Variants in WNK3 observed in about 807,000 individuals in gnomAD.
The protein encoded by WNK3 is serine/threonine-protein kinase WNK3.
A neutral mutation model predicts 116.7 loss-of-function variants in WNK3; 18 were observed. That is an observed-to-expected ratio of 0.15 (90% CI 0.11 to 0.23). The LOEUF is 0.23. Among genes scored for constraint, WNK3 ranks in the 10% least tolerant of loss-of-function variants. The pLI, the probability that WNK3 is intolerant of heterozygous loss-of-function variation, is 1.00. For missense variants in WNK3, 993 were observed against 1,323.8 expected (o/e 0.75, Z 3.88); for synonymous variants, 404 against 469.4 (o/e 0.86, Z 1.80).
chrX:54,321,117 G>A (rs191901876), intron 2 of WNK3, among the ~76,000 whole-genome samples: 16 of 110,711 alleles, frequency 1.4e-4, no homozygotes, highest in African/African-American at 4.6e-4. Flanking sequence ...GGCTGATCTC[G>A]AATGTCTGAC....
intron 10 of WNK3, among the ~76,000 whole-genome samples, chrX:54,271,118 C>A (rs940498481): frequency 2.7e-5 from 3 of 111,199 alleles, no homozygotes; most frequent in Admixed American, 9.6e-5. Flanking sequence ...AAGATCCATA[C>A]CAAGACATAT....
intron 1 of WNK3, among the ~76,000 whole-genome samples, chrX:54,345,742 C>T (rs1188667286): frequency 1.9e-5 from 2 of 103,622 alleles, no homozygotes; most frequent in East Asian, 6.0e-4. Flanking sequence ...GCCAAGATCG[C>T]GCCACTGCAC....
At chrX:54,210,745 A>C (rs182686304) in intron 22 of WNK3, among the ~76,000 whole-genome samples, 130 of 112,359 alleles carry the variant, frequency 1.2e-3, no homozygotes, top group Non-Finnish European at 9.6e-4. Flanking sequence ...CTACTGAAAA[A>C]AAATAATTTC....
At position 54,306,122 on chromosome X, in the gene WNK3, T is replaced by C. The variant is rs139927287; in HGVS notation, c.1089+1800A>G. On this transcript the variant is annotated intron_variant, in intron 5 of 23. Coordinates refer to ENST00000354646, the Ensembl canonical transcript of WNK3. Reference sequence around the variant, plus strand: ...AAAAACAGTATCTCCTCACATCTGTTAGAATGACTATTATCGAAAAGATGA... The same window carrying C: ...AAAAACAGTATCTCCTCACATCTGTCAGAATGACTATTATCGAAAAGATGA... 3.0e-3 allele frequency among the ~76,000 whole-genome samples: 330 copies of C among 111,411 alleles called. 2 individuals carry two copies. The highest frequency in any genetic ancestry group is 0.01 in the African/African-American group (312 of 30,762).
intron 21 of WNK3, among the ~76,000 whole-genome samples, chrX:54,230,779 C>T (rs1290516438): frequency 4.5e-5 from 5 of 112,251 alleles, no homozygotes; most frequent in Non-Finnish European, 5.6e-5. Context: ...GTCCTCCAAC[C>T]GATGAATGGA....
intron 2 of WNK3, among the ~76,000 whole-genome samples, chrX:54,324,498 G>T (rs185491393): frequency 1.2e-3 from 137 of 112,218 alleles, no homozygotes; most frequent in African/African-American, 4.1e-3. Flanking sequence ...CCCACCCTTT[G>T]TCATTTTGTA....
At chrX:54,293,216 T>A in exon 9 of WNK3, 1 of 1,211,095 alleles carries the variant, frequency 8.3e-7, no homozygotes. Flanking sequence ...CTGCGGGATA[T>A]TAGAAACCAT....
intron 5 of WNK3, among the ~76,000 whole-genome samples, chrX:54,303,332 G>A (rs193159295): frequency 9.0e-6 from 1 of 111,096 alleles, no homozygotes; most frequent in African/African-American, 3.3e-5. Flanking sequence ...TAATAACTGT[G>A]TTGGCTTCCT....
At chrX:54,237,596 T>C (rs2067977318) in intron 19 of WNK3, 45 bp from the exon 20 acceptor site, 5 of 1,117,369 alleles carry the variant, frequency 4.5e-6, no homozygotes, top group Non-Finnish European at 5.9e-6. Flanking sequence ...CACAGACAAG[T>C]AGATGCTCTG....
chrX:54,222,915 A>ATATAT (rs1557146885), intron 22 of WNK3, among the ~76,000 whole-genome samples: 9 of 81,018 alleles, frequency 1.1e-4, no homozygotes, highest in African/African-American at 3.5e-4. Flanking sequence ...TAATAATAAT[A>ATATAT]ATATATATAT....
At chrX:54,249,591 C>T in exon 17 of WNK3, 1 of 1,210,397 alleles carries the variant, frequency 8.3e-7, no homozygotes, top group Non-Finnish European at 1.1e-6. Context: ...CTATAGTGAG[C>T]AATGTGTCCC....
chrX:54,310,362 G>A (rs782460497), intron 3 of WNK3, among the ~76,000 whole-genome samples: 129 of 108,589 alleles, frequency 1.2e-3, no homozygotes, highest in African/African-American at 3.1e-3. Flanking sequence ...GCAACACGGC[G>A]AAACCCCATC....
intron 2 of WNK3, among the ~76,000 whole-genome samples, chrX:54,317,971 T>A (rs1287826760): frequency 9.1e-6 from 1 of 110,389 alleles, no homozygotes; most frequent in Non-Finnish European, 1.9e-5. Flanking sequence ...GAGTTTCTAT[T>A]TGGAATGATA....
At chrX:54,339,774 T>C (rs1471652407) in intron 1 of WNK3, among the ~76,000 whole-genome samples, 1 of 112,095 alleles carries the variant, frequency 8.9e-6, no homozygotes, top group Non-Finnish European at 1.9e-5. Context: ...ATAAAACTTT[T>C]AGAAGAAAAC....
intron 21 of WNK3, among the ~76,000 whole-genome samples, chrX:54,230,012 A>T (rs1390928946): frequency 8.9e-6 from 1 of 111,944 alleles, no homozygotes; most frequent in African/African-American, 3.2e-5. Context: ...AAAAAATTTG[A>T]TAAAGTATAC....
rs150232993 is a variant in WNK3, at chrX:54,317,410, G to A, written c.538-6119C>T. 8.5e-3 allele frequency among the ~76,000 whole-genome samples: 937 copies of A among 110,037 alleles called. 13 individuals are homozygous for A. The highest frequency in any genetic ancestry group is 0.03 in the African/African-American group (917 of 30,270). ...CTTGACCTTGTGATCCGCCCACCTC[G>A]GCCTCCCAAAGTAGCTGGGATTACA... is the stretch of plus-strand genomic sequence containing the variant. On this transcript the variant is annotated intron_variant, in intron 2 of 23. Coordinates refer to ENST00000354646, the Ensembl canonical transcript of WNK3.
chrX:54,239,630 T>C (rs782623549), intron 17 of WNK3, among the ~76,000 whole-genome samples: 1 of 111,017 alleles, frequency 9.0e-6, no homozygotes, highest in South Asian at 3.8e-4. Context: ...GGAAATCAAG[T>C]TTCTTACTTT....
At chrX:54,289,203 C>G (rs2068612060) in intron 10 of WNK3, among the ~76,000 whole-genome samples, 1 of 111,001 alleles carries the variant, frequency 9.0e-6, no homozygotes, top group African/African-American at 3.3e-5. Flanking sequence ...GATAAGAAGT[C>G]TGCACAGAAT....
In WNK3 at chrX:54,237,563, A is replaced by C. The variant is rs782721642; in HGVS notation, c.4015-12T>G. On this transcript the variant is annotated splice_polypyrimidine_tract_variant and intron_variant, in intron 19 of 23. Coordinates refer to ENST00000354646, the Ensembl canonical transcript of WNK3. ...GGAATTGTAATCACCTGAGATATAA[A>C]AACGTAAAAGTGGTTAGCATAGCAC... 8.7e-7 allele frequency: 1 copy of C among 1,150,960 alleles called. No homozygotes were observed. The highest frequency in any genetic ancestry group is 1.1e-6 in the Non-Finnish European group (1 of 876,568). 94.9% of individuals were successfully genotyped at this position (1,150,960 alleles called of 1,213,427 possible). A position where few individuals can be genotyped will look rare whatever the true frequency, so the allele number is the denominator to read the frequency against.
Sources: allele counts gnomAD v4.1 joint callset (sites outside exome capture counted in the v4.1 genomes callset), GRCh38; gene constraint gnomAD v4.1.1; transcripts MANE v1.5; gene names NCBI Gene and HGNC (gene_info 2026-07-23, HGNC 2026-07-21).